Variants in STK3 observed in about 807,000 individuals in gnomAD.
STK3 encodes the protein serine/threonine kinase 3.
In STK3, 41 loss-of-function variants were observed where a neutral mutation model predicts 58.0. The observed-to-expected ratio is 0.71, with a 90% CI of 0.55 to 0.92. The LOEUF (loss-of-function observed/expected upper bound fraction) is 0.92, where lower values mean the gene tolerates loss of function less well. Among genes scored for constraint, STK3 ranks in the 40% least tolerant of loss-of-function variants. STK3 has a pLI of 0.00. For missense variants in STK3, 479 were observed against 602.7 expected (o/e 0.79, Z 2.15); for synonymous variants, 170 against 191.0 (o/e 0.89, Z 0.91).
intron 6 of STK3, among the ~76,000 whole-genome samples, chr8:98,651,297 A>G (rs550243567): frequency 4.6e-5 from 7 of 152,334 alleles, no homozygotes; most frequent in Non-Finnish European, 1.0e-4. Context: ...TGTAGGAAGG[A>G]AAACTAACAA....
Position 98,736,719 on chromosome 8 carries a change from G to A in STK3, c.351+12557C>T, listed in dbSNP as rs186822974. Among the ~76,000 whole-genome samples, 1,019 of 152,132 alleles carry A rather than the reference G, an allele frequency of 6.7e-3. 7 individuals carry two copies. Among genetic ancestry groups the A allele is most frequent in the African/African-American group, 0.023 (955 of 41,498 alleles). ...ACAAAATAAATATGTTACTTAGGTG[G>A]TTCTCCAAGACTTACTACTCTTAAA... On this transcript the variant is annotated intron_variant, in intron 4 of 10. Transcript: ENST00000419617.
intron 1 of STK3, among the ~76,000 whole-genome samples, chr8:98,897,009 AG>A: frequency 1.4e-5 from 2 of 140,000 alleles, no homozygotes; most frequent in Admixed American, 1.6e-4. Context: ...AAAAAATAAA[AG>A]AAAAGAAAGA....
rs138754338 is a variant in STK3 at position 98,575,147 on chromosome 8, T to C, written c.948+4517A>G. Among the ~76,000 whole-genome samples, 569 of 152,310 alleles carry C rather than the reference T, an allele frequency of 3.7e-3. 1 individual carries two copies. The highest frequency in any genetic ancestry group is 0.013 in the African/African-American group (546 of 41,554). ...GATGACATTCTAGATTTTGAGCTGA[T>C]ATTGTAAAGAAATAATACTTGGGGT... On this transcript the variant is annotated intron_variant, in intron 8 of 10. Transcript: ENST00000419617.
intron 3 of STK3, among the ~76,000 whole-genome samples, chr8:98,833,489 C>T (rs1296339479): frequency 6.6e-6 from 1 of 152,124 alleles, no homozygotes; most frequent in Non-Finnish European, 1.5e-5. Context: ...AGAGGATTCT[C>T]TAGAGAAAGT....
chr8:98,711,752 G>C (rs1826471663), intron 4 of STK3, among the ~76,000 whole-genome samples: 1 of 152,160 alleles, frequency 6.6e-6, no homozygotes, highest in Admixed American at 6.5e-5. Flanking sequence ...TACCAAGGCA[G>C]GCTACCATTG....
intron 10 of STK3, among the ~76,000 whole-genome samples, chr8:98,480,728 G>A (rs867101384): frequency 2.6e-5 from 4 of 152,230 alleles, no homozygotes; most frequent in Middle Eastern, 3.4e-3. Flanking sequence ...TTGGTATGCT[G>A]TACACGACTG....
chr8:98,786,485 C>T (rs1832469463), intron 1 of STK3, among the ~76,000 whole-genome samples: 1 of 152,026 alleles, frequency 6.6e-6, no homozygotes, highest in African/African-American at 2.4e-5. Flanking sequence ...GAGTTCAAGG[C>T]TGCAGTGAGC....
chr8:98,560,013 A>G (rs1169060461), intron 8 of STK3, among the ~76,000 whole-genome samples: 2 of 152,122 alleles, frequency 1.3e-5, no homozygotes, highest in Non-Finnish European at 2.9e-5. Context: ...GCATACCTCT[A>G]TCACAGTACT....
rs58416322 is a variant in STK3 at position 98,790,047 on chromosome 8, A to AAT, written c.27-15229_27-15228insAT. Among the ~76,000 whole-genome samples, 414 of 150,416 alleles carry AAT rather than the reference A, an allele frequency of 2.8e-3. 4 individuals carry two copies. The highest frequency in any genetic ancestry group is 4.7e-3 in the East Asian group (24 of 5,140). On this transcript the variant is annotated intron_variant, in intron 1 of 10. Transcript: ENST00000419617. ...TCATCTCAAAAAAAAAAAAAAAAAAAGTCCAGGACTAGAGAGATTCACAGC... is the reference window on the plus strand; with the variant it reads ...TCATCTCAAAAAAAAAAAAAAAAAAAATGTCCAGGACTAGAGAGATTCACAGC...
Position 98,800,464 on chromosome 8 carries a change from C to T in STK3, c.26+25051G>A, listed in dbSNP as rs575452525. Among the ~76,000 whole-genome samples, 90 of 152,314 alleles carry T rather than the reference C, an allele frequency of 5.9e-4. No individual in the cohort carries two copies. The highest frequency in any genetic ancestry group is 7.2e-4 in the Non-Finnish European group (49 of 68,022). On this transcript the variant is annotated intron_variant, in intron 1 of 10. Coordinates refer to ENST00000419617, the MANE Select transcript of STK3 (RefSeq NM_006281.4). The surrounding 1 kb of genome is among the most constrained non-coding windows in gnomAD (Gnocchi z 4.8). ...CCCTCACTCACTCTCAGCACCTCCTCGGCCTCGGTGTCCACTCTGGCCACG... is the reference window on the plus strand; with the variant it reads ...CCCTCACTCACTCTCAGCACCTCCTTGGCCTCGGTGTCCACTCTGGCCACG...
At chr8:98,777,994 A>G (rs1358518658) in intron 1 of STK3, among the ~76,000 whole-genome samples, 6 of 152,254 alleles carry the variant, frequency 3.9e-5, no homozygotes, top group Non-Finnish European at 8.8e-5. Context: ...CTAAAACACT[A>G]AAAGCAATGG....
intron 3 of STK3, among the ~76,000 whole-genome samples, chr8:98,751,280 A>G (rs1177843337): frequency 2.0e-5 from 3 of 152,202 alleles, no homozygotes; most frequent in Non-Finnish European, 4.4e-5. Flanking sequence ...GAAAGAAATA[A>G]AGGTCATCCA....
intron 3 of STK3, among the ~76,000 whole-genome samples, chr8:98,870,143 C>T (rs1837315915): frequency 1.3e-5 from 2 of 152,152 alleles, no homozygotes; most frequent in Admixed American, 1.3e-4. Flanking sequence ...TGGTTTCTAG[C>T]TTCATCTATG....
At chr8:98,467,683 T>A (rs1353096586) in intron 10 of STK3, among the ~76,000 whole-genome samples, 2 of 152,120 alleles carry the variant, frequency 1.3e-5, no homozygotes, top group Non-Finnish European at 2.9e-5. Context: ...GATAGTTTCA[T>A]GCTCCACTAC....
chr8:98,700,473 C>G (rs1398085937), intron 6 of STK3, among the ~76,000 whole-genome samples: 1 of 152,214 alleles, frequency 6.6e-6, no homozygotes, highest in Admixed American at 6.5e-5. Flanking sequence ...ACGCTGGGAG[C>G]TGTAGACCAG....
chr8:98,378,414 A>G (rs1228472610), intron 2 of STK3, among the ~76,000 whole-genome samples: 3 of 152,114 alleles, frequency 2.0e-5, no homozygotes, highest in African/African-American at 7.2e-5. Context: ...GGTGGTTAAG[A>G]CTTAGGTCTC....
At chr8:98,347,755 T>C in the STK3 span, among the ~76,000 whole-genome samples, 8 of 152,212 alleles carry the variant, frequency 5.3e-5, no homozygotes, top group African/African-American at 1.9e-4. Context: ...ATAGGAAACA[T>C]ACATTAAATG....
intron 9 of STK3, among the ~76,000 whole-genome samples, chr8:98,538,947 C>A (rs1488394061): frequency 2.6e-5 from 4 of 152,292 alleles, no homozygotes; most frequent in Non-Finnish European, 5.9e-5. Flanking sequence ...TTTCTAATTG[C>A]CCAGAAATAT....
chr8:98,706,583 G>C lies in STK3; in HGVS notation c.568C>G (p.Pro190Ala), dbSNP rs1344357232. The part of the protein sequence containing the change: ...TVIGTPFWMA[P>A]EVIQEIGYNC... ...TAGCCTATTTCTTGAATCACCTCAGGAGCCATCCAAAATGGAGTTCCTATT... is the reference window on the plus strand; with the variant it reads ...TAGCCTATTTCTTGAATCACCTCAGCAGCCATCCAAAATGGAGTTCCTATT... The change falls in exon 6 of 11, where the codon CCT becomes GCT. Residue 190 changes from proline to alanine, a missense_variant. Pro to Ala is a conservative substitution (Grantham distance 27, BLOSUM62 -1). Around this residue, in one of 3 missense-constraint regions of STK3, gnomAD observed 126 missense variants for 210.1 expected, o/e 0.60. Coordinates refer to ENST00000419617, the MANE Select transcript of STK3 (RefSeq NM_006281.4). The C allele has an allele frequency of 3.1e-6, 5 of 1,612,660 alleles. No individual in the cohort carries two copies. Among genetic ancestry groups the C allele is most frequent in the Non-Finnish European group, 2.5e-6 (3 of 1,179,498 alleles).
Sources: gnomAD v4.1 joint callset for allele counts (sites outside exome capture counted in the v4.1 genomes callset) on GRCh38, gnomAD v4.1.1 for gene constraint, gnomAD v4.1.1 regional missense constraint, Gnocchi (gnomAD v3.1) non-coding constraint, MANE v1.5 for transcripts, NCBI Gene and HGNC (gene_info 2026-07-23, HGNC 2026-07-21) for gene names.